The following HEPHL1 variants were observed in gnomAD, a reference collection of about 807,000 sequenced individuals.
HEPHL1 encodes the protein hephaestin like 1, also known as ferroxidase HEPHL1.
HEPHL1 carries 123 observed loss-of-function variants against 122.0 expected under a neutral mutation model. The observed-to-expected ratio is 1.01, with a 90% CI of 0.87 to 1.17. The LOEUF (loss-of-function observed/expected upper bound fraction) is 1.17, where lower values mean the gene tolerates loss of function less well. Among genes scored for constraint, HEPHL1 ranks in the 50% most tolerant of loss-of-function variants. The pLI is 0.00. For missense variants in HEPHL1, 1,452 were observed against 1,430.5 expected (o/e 1.01, Z -0.24); for synonymous variants, 527 against 508.9 (o/e 1.04, Z -0.48).
At chr11:94,093,450 A>G (rs893265040) in intron 12 of HEPHL1, 51 bp from the exon 13 acceptor site, 4 of 1,609,014 alleles carry the variant, frequency 2.5e-6, no homozygotes, top group Non-Finnish European at 3.4e-6. Context: ...GAAGCGCTCA[A>G]AGCTTTTCTG....
chr11:94,070,483 G>A lies in HEPHL1; in HGVS notation c.1173G>A (p.Trp391Ter), dbSNP rs1946065629. 3.7e-6 allele frequency: 6 copies of A among 1,610,962 alleles called. No homozygotes were observed. The highest frequency in any genetic ancestry group is 5.1e-6 in the Non-Finnish European group (6 of 1,178,602). The change falls in exon 6 of 20, where the codon TGG (tryptophan) becomes TGA (stop). Residue 391 changes from tryptophan to a stop codon, truncating the protein, a stop_gained. Coordinates refer to ENST00000315765, the MANE Select transcript of HEPHL1 (RefSeq NM_001098672.2). LOFTEE classifies it high-confidence loss of function. ...TTATAGCAGCTGAAAAAATTCTTTG[G>A]GATTATGCTCCTCAAGGCTATAACA... ...RYFIAAEKILWDYAPQGYNKF... is the reference protein window; with the variant it reads ...RYFIAAEKIL
At chr11:94,046,091 C>CTTTTTTTTTCTTTTTTT (rs1945834474) in intron 2 of HEPHL1, among the ~76,000 whole-genome samples, 174 bp downstream of exon 2, 1 of 65,048 alleles carries the variant, frequency 1.5e-5, no homozygotes, top group Non-Finnish European at 2.6e-5. Flanking sequence ...CCCTTTCTTG[C>CTTTTTTTTTCTTTTTTT]TTTTTTTTTT....
At position 94,094,084 on chromosome 11, in the gene HEPHL1, G is replaced by A. The variant is rs865909977; in HGVS notation, c.2434+444G>A. 6.9e-5 allele frequency among the ~76,000 whole-genome samples: 10 copies of A among 145,214 alleles called. 1 individual carries two copies. Among genetic ancestry groups the A allele is most frequent in the African/African-American group, 2.6e-4 (10 of 38,984 alleles). ...TACATATGTATACATGTGCCATGTT[G>A]GTGTGCTGCACCCATTAACTCATCA... On this transcript the variant is annotated intron_variant, in intron 13 of 19. Transcript: ENST00000315765.
chr11:94,029,038 A>G (rs1436489038), intron 1 of HEPHL1, among the ~76,000 whole-genome samples: 2 of 152,186 alleles, frequency 1.3e-5, no homozygotes, highest in Non-Finnish European at 2.9e-5. Flanking sequence ...TGTATTGCCC[A>G]GGCTAGTCTT....
In HEPHL1 at chr11:94,073,417, T is replaced by A; in HGVS notation, c.1482T>A (p.Ser494=). The A allele has an allele frequency of 6.4e-7, 1 of 1,556,064 alleles. No homozygotes were observed. Among genetic ancestry groups the A allele is most frequent in the Non-Finnish European group, 8.7e-7 (1 of 1,148,750 alleles). Residue 494 remains serine, a synonymous_variant, in exon 8 of 20, where the codon TCT becomes TCA. Coordinates refer to ENST00000315765, the MANE Select transcript of HEPHL1 (RefSeq NM_001098672.2). ...LPHGVIYDKA[S]DAAPNLDGFV... ...ATGGTGTGATCTATGACAAGGCATC[T>A]GATGCAGCCCCAAACCTAGATGGTA... is the stretch of plus-strand genomic sequence containing the variant.
chr11:94,093,987 T>C (rs1441927066), intron 13 of HEPHL1, among the ~76,000 whole-genome samples: 1 of 82,302 alleles, frequency 1.2e-5, no homozygotes, highest in African/African-American at 6.4e-5. Context: ...TATATATATA[T>C]ATATATATAT....
intron 1 of HEPHL1, among the ~76,000 whole-genome samples, chr11:94,043,257 G>A (rs1422225327): frequency 6.6e-6 from 1 of 152,124 alleles, no homozygotes; most frequent in Non-Finnish European, 1.5e-5. Flanking sequence ...AGAGATTAGA[G>A]GAACAAACAA....
At chr11:94,058,151 T>C (rs1370952203) in intron 2 of HEPHL1, among the ~76,000 whole-genome samples, 1 of 152,216 alleles carries the variant, frequency 6.6e-6, no homozygotes, top group Non-Finnish European at 1.5e-5. Context: ...TTATATTCTC[T>C]GCTAGTGGAT....
In HEPHL1 at chr11:94,076,832, C is replaced by T. The variant is rs867038176; in HGVS notation, c.1716+1447C>T. ...TCTTTCCAGTAAATTGTCATAAATT[C>T]TCCCAGTGGTGAATGGTCAGGTACA... On this transcript the variant is annotated intron_variant, in intron 9 of 19. Coordinates refer to ENST00000315765, the MANE Select transcript of HEPHL1 (RefSeq NM_001098672.2). Among the ~76,000 whole-genome samples, 16 of 152,234 alleles carry T rather than the reference C, an allele frequency of 1.1e-4. 1 individual carries two copies. Among genetic ancestry groups the T allele is most frequent in the Middle Eastern group, 3.4e-3 (1 of 294 alleles).
intron 2 of HEPHL1, among the ~76,000 whole-genome samples, chr11:94,060,450 T>A (rs1020705558): frequency 6.6e-6 from 1 of 152,130 alleles, no homozygotes; most frequent in East Asian, 1.9e-4. Flanking sequence ...GGCTACTATA[T>A]ACCAGGCACT....
chr11:94,103,803 A>G lies in HEPHL1; in HGVS notation c.2683-725A>G, dbSNP rs535914606. On this transcript the variant is annotated intron_variant, in intron 15 of 19. Coordinates refer to ENST00000315765, the MANE Select transcript of HEPHL1 (RefSeq NM_001098672.2). ...GCTTGTATTAATGTCTTTGAGTTAT[A>G]CTGGACAGTTCTAGAGTTCAGGAGA... Among the ~76,000 whole-genome samples the G allele has an allele frequency of 7.9e-5, 12 of 152,342 alleles. No individual in the cohort carries two copies. In the East Asian group the frequency reaches 2.3e-3, roughly 29 times the overall value.
At chr11:94,032,495 C>CT (rs1945684200) in intron 1 of HEPHL1, among the ~76,000 whole-genome samples, 1 of 152,200 alleles carries the variant, frequency 6.6e-6, no homozygotes, top group South Asian at 2.1e-4. Context: ...ATGCTGTAAG[C>CT]TTCAGTTTAC....
chr11:94,032,975 C>T (rs991073339), intron 1 of HEPHL1, among the ~76,000 whole-genome samples: 3 of 152,102 alleles, frequency 2.0e-5, no homozygotes, highest in Non-Finnish European at 4.4e-5. Flanking sequence ...CTCCCAAGTG[C>T]TAGGAGGCCA....
At chr11:94,077,737 C>T (rs976755141) in intron 9 of HEPHL1, among the ~76,000 whole-genome samples, 4 of 152,228 alleles carry the variant, frequency 2.6e-5, no homozygotes, top group African/African-American at 9.6e-5. Flanking sequence ...GCCCCAGCCT[C>T]TTGTTCCCAC....
chr11:94,049,961 A>G (rs1294573815), intron 2 of HEPHL1, among the ~76,000 whole-genome samples: 1 of 152,182 alleles, frequency 6.6e-6, no homozygotes, highest in Non-Finnish European at 1.5e-5. Flanking sequence ...ACAAATGGCC[A>G]TCTTACCAAC....
chr11:94,100,069 T>G (rs1205398607), intron 13 of HEPHL1, among the ~76,000 whole-genome samples: 2 of 152,148 alleles, frequency 1.3e-5, no homozygotes, highest in Non-Finnish European at 2.9e-5. Context: ...GTACCTCAGT[T>G]GGAAATGCAG....
At chr11:94,023,305 C>T (rs1010366516) in intron 1 of HEPHL1, among the ~76,000 whole-genome samples, 1 of 152,140 alleles carries the variant, frequency 6.6e-6, no homozygotes, top group Non-Finnish European at 1.5e-5. Context: ...TCTAGAAAGT[C>T]CTAATTTTTG....
rs146368066 is a variant in HEPHL1 at position 94,046,846 on chromosome 11, G to C, written c.415+929G>C. 8.5e-5 allele frequency among the ~76,000 whole-genome samples: 13 copies of C among 152,234 alleles called. No homozygotes were observed. The East Asian group carries it at 2.5e-3, about 29-fold the overall frequency. On this transcript the variant is annotated intron_variant, in intron 2 of 19. Transcript: ENST00000315765. ...GTATTTCATTCTTGCTCATGACCTG[G>C]TGGAATAGGTTGAAAGGTGCTGTAC... is the stretch of plus-strand genomic sequence containing the variant.
At chr11:94,107,121 G>T (rs905789437) in intron 17 of HEPHL1, among the ~76,000 whole-genome samples, 3 of 152,202 alleles carry the variant, frequency 2.0e-5, no homozygotes, top group African/African-American at 4.8e-5. Context: ...AAGTGGAATA[G>T]AAAAGAACAA....
Sources: allele counts gnomAD v4.1 joint callset (sites outside exome capture counted in the v4.1 genomes callset), GRCh38; gene constraint gnomAD v4.1.1; transcripts MANE v1.5; gene names NCBI Gene and HGNC (gene_info 2026-07-23, HGNC 2026-07-21).